Variants in CCDC102B observed in about 807,000 individuals in gnomAD.
CCDC102B encodes the protein coiled-coil domain-containing protein 102B.
CCDC102B carries 75 observed loss-of-function variants against 57.4 expected under a neutral mutation model. The observed-to-expected ratio is 1.31, with a 90% CI of 1.08 to 1.58. The LOEUF is 1.58. Ranked by LOEUF, CCDC102B falls within the 40% of genes most tolerant of loss-of-function variation. The pLI is 0.00. For missense variants in CCDC102B, 636 were observed against 582.6 expected (o/e 1.09, Z -0.94); for synonymous variants, 206 against 201.9 (o/e 1.02, Z -0.17).
intron 1 of CCDC102B, chr18:68,715,384 C>T (rs775032596): frequency 5.2e-6 from 2 of 388,190 alleles, no homozygotes; most frequent in Admixed American, 5.6e-5. Flanking sequence ...GACGCACTTG[C>T]AGGTTGAATA....
At chr18:68,853,534 C>A (rs1222568555) in intron 4 of CCDC102B, among the ~76,000 whole-genome samples, 2 of 151,600 alleles carry the variant, frequency 1.3e-5, no homozygotes, top group African/African-American at 4.8e-5. Flanking sequence ...ATTACTAGAA[C>A]TTTTATTATG....
At chr18:68,881,904 A>C (rs181709658) in intron 5 of CCDC102B, among the ~76,000 whole-genome samples, 3 of 152,230 alleles carry the variant, frequency 2.0e-5, no homozygotes, top group East Asian at 1.9e-4. Context: ...TATTGTTATA[A>C]ATTTATTTGT....
At chr18:68,848,192 T>G (rs2144824473) in intron 4 of CCDC102B, among the ~76,000 whole-genome samples, 1 of 152,062 alleles carries the variant, frequency 6.6e-6, no homozygotes, top group East Asian at 1.9e-4. Context: ...GAGTAAAATA[T>G]TCAAAGTCTC....
intron 6 of CCDC102B, among the ~76,000 whole-genome samples, chr18:68,948,467 T>C (rs760832425): frequency 2.7e-5 from 4 of 150,328 alleles, no homozygotes; most frequent in Admixed American, 6.7e-5. Flanking sequence ...CTGACCTTTT[T>C]TACAATAAGC....
intron 1 of CCDC102B, among the ~76,000 whole-genome samples, chr18:68,818,593 T>C (rs2036582048): frequency 6.6e-6 from 1 of 152,162 alleles, no homozygotes; most frequent in Non-Finnish European, 1.5e-5. Context: ...TGAGTAGCTT[T>C]TCCTCTTTTT....
Position 68,857,285 on chromosome 18 carries a change from T to TA in CCDC102B, c.936+10864_936+10865insA, listed in dbSNP as rs1274330976. Among the ~76,000 whole-genome samples the TA allele has an allele frequency of 2.1e-3, 16 of 7,604 alleles. 2 individuals are homozygous for TA. The highest frequency in any genetic ancestry group is 0.011 in the East Asian group (2 of 186). The allele number at this position is 7,604 out of a possible 152,430, so 5.0% of individuals were successfully genotyped here. A position where few individuals can be genotyped will look rare whatever the true frequency, so the allele number is the denominator to read the frequency against. On this transcript the variant is annotated intron_variant, in intron 4 of 7. Transcript: ENST00000360242. ...TATATAAATATATATATAATATATA[T>TA]TTATATATTATATATATAATATATA...
At chr18:68,921,837 G>A (rs933149438) in intron 6 of CCDC102B, among the ~76,000 whole-genome samples, 2 of 152,170 alleles carry the variant, frequency 1.3e-5, no homozygotes, top group Non-Finnish European at 2.9e-5. Flanking sequence ...TGAGAGCTAT[G>A]TCAGGCTTCT....
intron 3 of CCDC102B, among the ~76,000 whole-genome samples, chr18:68,841,844 C>T (rs2037646236): frequency 6.6e-6 from 1 of 152,098 alleles, no homozygotes; most frequent in Non-Finnish European, 1.5e-5. Context: ...GCCATCCTCC[C>T]ACCTCAGCCT....
At chr18:68,983,148 G>T (rs1046642889) in intron 6 of CCDC102B, among the ~76,000 whole-genome samples, 2 of 151,324 alleles carry the variant, frequency 1.3e-5, no homozygotes, top group African/African-American at 2.4e-5. Flanking sequence ...ATCCTCAGGG[G>T]TGATTAAAAG....
At chr18:68,943,100 G>T (rs1245892088) in intron 6 of CCDC102B, among the ~76,000 whole-genome samples, 2 of 132,982 alleles carry the variant, frequency 1.5e-5, no homozygotes, top group Non-Finnish European at 3.4e-5. Flanking sequence ...CGAGCACAGG[G>T]TTGGGGGTAG....
At chr18:68,781,526 C>T (rs1428364342) in intron 2 of CCDC102B, among the ~76,000 whole-genome samples, 1 of 152,100 alleles carries the variant, frequency 6.6e-6, no homozygotes, top group Non-Finnish European at 1.5e-5. Flanking sequence ...GGTATCCAGG[C>T]TGTCCTCCAA....
chr18:68,967,772 G>C (rs924114441), intron 6 of CCDC102B, among the ~76,000 whole-genome samples: 1 of 152,034 alleles, frequency 6.6e-6, no homozygotes, highest in Non-Finnish European at 1.5e-5. Flanking sequence ...CAAAGTAAAA[G>C]CTCATCCTCA....
upstream of CCDC102B, among the ~76,000 whole-genome samples, chr18:68,794,199 A>G (rs1378973895): frequency 6.6e-6 from 1 of 152,222 alleles, no homozygotes; most frequent in East Asian, 1.9e-4. Context: ...GCTGTTCTCA[A>G]TGTGTGGCTT....
At chr18:68,877,469 A>G (rs2039493853) in intron 5 of CCDC102B, among the ~76,000 whole-genome samples, 1 of 152,228 alleles carries the variant, frequency 6.6e-6, no homozygotes, top group South Asian at 2.1e-4. Context: ...TAAGTTGTGT[A>G]CAATTCTTCT....
At chr18:69,015,561 G>C (rs550763091) in intron 7 of CCDC102B, among the ~76,000 whole-genome samples, 1 of 152,196 alleles carries the variant, frequency 6.6e-6, no homozygotes, top group South Asian at 2.1e-4. Flanking sequence ...TGTTTAACTG[G>C]AACCATCAAA....
chr18:68,891,749 T>C (rs1032011108), intron 5 of CCDC102B, among the ~76,000 whole-genome samples: 2 of 152,222 alleles, frequency 1.3e-5, no homozygotes, highest in Non-Finnish European at 2.9e-5. Flanking sequence ...GGATCTCTGG[T>C]ACATCTTCCT....
At chr18:68,779,970 T>C (rs935088318) in intron 2 of CCDC102B, among the ~76,000 whole-genome samples, 6 of 152,080 alleles carry the variant, frequency 3.9e-5, no homozygotes, top group African/African-American at 1.4e-4. Context: ...TCAACCAAGA[T>C]AAAATAAAAT....
At chr18:69,052,714 A>G (rs538317179) in intron 7 of CCDC102B, among the ~76,000 whole-genome samples, 16 of 151,910 alleles carry the variant, frequency 1.1e-4, no homozygotes, top group East Asian at 3.9e-4. Flanking sequence ...GCGTTGCTAT[A>G]TATCTACCCA....
intron 2 of CCDC102B, among the ~76,000 whole-genome samples, chr18:68,837,597 C>T (rs1047517779): frequency 1.6e-4 from 25 of 152,160 alleles, no homozygotes; most frequent in African/African-American, 6.0e-4. Flanking sequence ...TCTGAGGCCT[C>T]TCTCCTTGGC....
Sources: gnomAD v4.1 joint callset for allele counts (sites outside exome capture counted in the v4.1 genomes callset) on GRCh38, gnomAD v4.1.1 for gene constraint, MANE v1.5 for transcripts, NCBI Gene and HGNC (gene_info 2026-07-23, HGNC 2026-07-21) for gene names.